The following NRG1 variants were observed in gnomAD, a reference collection of about 807,000 sequenced individuals.
NRG1 encodes the protein neuregulin 1.
Under a neutral mutation model 63.8 loss-of-function variants are expected in NRG1, and 18 were observed. That is an observed-to-expected ratio of 0.28 (90% CI 0.19 to 0.42). The LOEUF is 0.42. Ranked by LOEUF, NRG1 falls within the 10% of genes least tolerant of loss-of-function variation. The pLI is 1.00. For missense variants in NRG1, 762 were observed against 814.7 expected (o/e 0.94, Z 0.79); for synonymous variants, 302 against 301.3 (o/e 1.00, Z -0.02).
intron 1 of NRG1, among the ~76,000 whole-genome samples, chr8:31,717,981 A>C (rs7819870): frequency 0.22 from 34,003 of 151,832 alleles, 4,187 homozygotes; most frequent in Middle Eastern, 0.28. Context: ...ATGTAGACAT[A>C]ATTCTATATT....
At chr8:32,314,866 C>G (rs1195306731) in intron 1 of NRG1, among the ~76,000 whole-genome samples, 2 of 152,152 alleles carry the variant, frequency 1.3e-5, no homozygotes, top group Non-Finnish European at 2.9e-5. Context: ...GTTGTTCCAT[C>G]AAACACTGTC....
At chr8:32,504,795 C>G (rs1828330592) in intron 1 of NRG1, among the ~76,000 whole-genome samples, 1 of 152,022 alleles carries the variant, frequency 6.6e-6, no homozygotes. Flanking sequence ...GGCTTTTTAT[C>G]AATATTGTTG....
At chr8:31,852,481 T>G (rs1438495164) in intron 1 of NRG1, among the ~76,000 whole-genome samples, 1 of 152,158 alleles carries the variant, frequency 6.6e-6, no homozygotes, top group Admixed American at 6.5e-5. Flanking sequence ...GTAAATTTGT[T>G]TGAGTTCATT....
chr8:32,074,904 A>G (rs1212395672), intron 1 of NRG1, among the ~76,000 whole-genome samples: 1 of 152,246 alleles, frequency 6.6e-6, no homozygotes, highest in Non-Finnish European at 1.5e-5. Flanking sequence ...TTAAAAATAG[A>G]TTTGAAAGGT....
chr8:32,165,405 A>G (rs1839293728), intron 1 of NRG1, among the ~76,000 whole-genome samples: 1 of 152,132 alleles, frequency 6.6e-6, no homozygotes, highest in African/African-American at 2.4e-5. Flanking sequence ...TGCCCTCCCA[A>G]AGTGCTGGGA....
chr8:32,492,817 TA>T (rs1460933049), intron 1 of NRG1, among the ~76,000 whole-genome samples: 1 of 152,168 alleles, frequency 6.6e-6, no homozygotes, highest in Non-Finnish European at 1.5e-5. Flanking sequence ...GTTGTTTCAT[TA>T]AACAAATGTT....
At chr8:32,652,865 CT>C (rs1855428156) in intron 5 of NRG1, among the ~76,000 whole-genome samples, 1 of 152,148 alleles carries the variant, frequency 6.6e-6, no homozygotes, top group East Asian at 1.9e-4. Flanking sequence ...CTCCTTCCCT[CT>C]TCCTTTTAAC....
chr8:31,686,571 T>C (rs1466668518), intron 1 of NRG1, among the ~76,000 whole-genome samples: 1 of 152,156 alleles, frequency 6.6e-6, no homozygotes, highest in African/African-American at 2.4e-5. Flanking sequence ...CACTTTTAAG[T>C]TTTGCTGTCC....
chr8:31,861,656 C>G (rs1456312141), intron 1 of NRG1, among the ~76,000 whole-genome samples: 1 of 152,130 alleles, frequency 6.6e-6, no homozygotes, highest in Non-Finnish European at 1.5e-5. Flanking sequence ...CAGGCAAAGC[C>G]TAGCTTTAAG....
In NRG1 at chr8:31,799,835, C is replaced by T. The variant is rs544888553; in HGVS notation, c.37+160404C>T. On this transcript the variant is annotated intron_variant, in intron 1 of 10. Transcript: ENST00000519301. The stretch of plus-strand genomic sequence containing the variant: ...TATTAATACCGTCACAGCTCTGATC[C>T]TTCTTTCTATTGTAGAGCTTCTATG... 2.9e-4 allele frequency among the ~76,000 whole-genome samples: 44 copies of T among 152,112 alleles called. 1 individual carries two copies. In the South Asian group the frequency reaches 7.9e-3, roughly 27 times the overall value.
chr8:32,028,283 G>T (rs149344265), intron 1 of NRG1, among the ~76,000 whole-genome samples: 36 of 152,188 alleles, frequency 2.4e-4, no homozygotes, highest in Admixed American at 2.4e-3. Flanking sequence ...TAGGGGACTA[G>T]GACTGTGCAT....
chr8:32,464,519 C>G (rs1239951921), intron 1 of NRG1, among the ~76,000 whole-genome samples: 3 of 152,130 alleles, frequency 2.0e-5, no homozygotes, highest in African/African-American at 7.2e-5. Context: ...GATGTTAATG[C>G]TCCTGTAGTT....
intron 1 of NRG1, among the ~76,000 whole-genome samples, chr8:31,744,610 T>A (rs1306737471): frequency 2.0e-5 from 3 of 151,964 alleles, no homozygotes; most frequent in Non-Finnish European, 4.4e-5. Flanking sequence ...GTTAAGGATC[T>A]TGATGCCTCA....
intron 1 of NRG1, chr8:32,171,392 A>C (rs1360612912): frequency 1.3e-5 from 2 of 152,248 alleles, no homozygotes; most frequent in East Asian, 1.9e-4. Flanking sequence ...GAATAGGAAG[A>C]GCTCCAGTCT....
At chr8:32,749,356 C>G in intron 7 of NRG1, 1 of 627,614 alleles carries the variant, frequency 1.6e-6, no homozygotes, top group South Asian at 1.9e-5. Context: ...TTTTGCACAC[C>G]TCATAAAAAG....
Position 31,640,853 on chromosome 8 carries a change from T to TC in NRG1, c.37+1423dup. ...GCGCTCTGGGTCCCAGTTGTTGGTT[T>TC]CAGGGTGGTGGGTTCTCAGCGATCC... is the stretch of plus-strand genomic sequence containing the variant. On this transcript the variant is annotated intron_variant, in intron 1 of 10. Coordinates refer to the NRG1 transcript ENST00000519301. This position sits in a 1 kb window ranked among gnomAD's most constrained non-coding sequence, Gnocchi z 6.3. 1.4e-6 allele frequency: 2 copies of TC among 1,399,950 alleles called. No homozygotes were observed. Among genetic ancestry groups the TC allele is most frequent in the Non-Finnish European group, 1.9e-6 (2 of 1,080,606 alleles). 86.7% of individuals were successfully genotyped at this position (1,399,950 alleles called of 1,614,324 possible).
chr8:31,923,308 AATATT>A (rs1834066460), intron 1 of NRG1, among the ~76,000 whole-genome samples: 1 of 152,184 alleles, frequency 6.6e-6, no homozygotes, highest in African/African-American at 2.4e-5. Flanking sequence ...TATCATATCA[AATATT>A]AGACCAATAT....
upstream of NRG1, among the ~76,000 whole-genome samples, chr8:32,547,590 AACACACACACACAC>A (rs33943729): frequency 6.1e-5 from 9 of 148,492 alleles, no homozygotes; most frequent in South Asian, 1.1e-3. Context: ...GCACTTACTA[AACACACACACACAC>A]ACACACACAC....
chr8:32,308,469 T>C (rs941821255), intron 1 of NRG1, among the ~76,000 whole-genome samples: 6 of 152,222 alleles, frequency 3.9e-5, no homozygotes, highest in Non-Finnish European at 8.8e-5. Flanking sequence ...GCTTTACTCA[T>C]TGTTATGTCT....
Sources: allele counts gnomAD v4.1 joint callset (sites outside exome capture counted in the v4.1 genomes callset), GRCh38; gene constraint gnomAD v4.1.1; non-coding constraint Gnocchi (gnomAD v3.1); transcripts MANE v1.5; gene names NCBI Gene and HGNC (gene_info 2026-07-23, HGNC 2026-07-21).